Variants in KCNIP1 observed in about 807,000 individuals in gnomAD.
KCNIP1 encodes the protein A-type potassium channel modulatory protein KCNIP1.
A neutral mutation model predicts 33.0 loss-of-function variants in KCNIP1; 18 were observed. The ratio of observed to expected loss-of-function variants is 0.55; its 90% confidence interval spans 0.38 to 0.81. KCNIP1 has a LOEUF of 0.81. Ranked by LOEUF, KCNIP1 falls within the 30% of genes least tolerant of loss-of-function variation. The pLI is 0.00. For synonymous variants in KCNIP1, 93 were observed against 98.3 expected (o/e 0.95, Z 0.32); for missense variants, 238 against 271.6 (o/e 0.88, Z 0.87).
At chr5:170,694,314 C>T (rs978427152) in intron 1 of KCNIP1, among the ~76,000 whole-genome samples, 2 of 152,012 alleles carry the variant, frequency 1.3e-5, no homozygotes, top group African/African-American at 4.8e-5. Context: ...TCCAATGAAC[C>T]ACAGATGGTT....
At chr5:170,501,223 T>A (rs559751173), upstream of KCNIP1, among the ~76,000 whole-genome samples, 1 of 152,000 alleles carries the variant, frequency 6.6e-6, no homozygotes, top group Non-Finnish European at 1.5e-5. Context: ...CTGGAGGAGA[T>A]GACATCTGCA....
rs1176870363 is a variant in KCNIP1, at chr5:170,357,645, T to C, written c.88+3681T>C. ...TCTGGGCTCAAGCAATCCTCCCACCTCAGCCTCCTAAATAGCTGAGACCAC... is the reference window on the plus strand; with the variant it reads ...TCTGGGCTCAAGCAATCCTCCCACCCCAGCCTCCTAAATAGCTGAGACCAC... On this transcript the variant is annotated intron_variant, in intron 1 of 7. Coordinates refer to the KCNIP1 transcript ENST00000377360. Among the ~76,000 whole-genome samples, 4 of 152,176 alleles carry C rather than the reference T, an allele frequency of 2.6e-5. No individual in the cohort carries two copies. In the South Asian group the frequency reaches 8.3e-4, roughly 32 times the overall value.
chr5:170,477,874 TC>T (rs1756892711), intron 1 of KCNIP1, among the ~76,000 whole-genome samples: 1 of 152,214 alleles, frequency 6.6e-6, no homozygotes, highest in South Asian at 2.1e-4. Context: ...TCCCACACAG[TC>T]CTGTCCTCAG....
chr5:170,396,969 C>G (rs535886307), intron 1 of KCNIP1, among the ~76,000 whole-genome samples: 4 of 152,312 alleles, frequency 2.6e-5, no homozygotes, highest in African/African-American at 9.6e-5. Flanking sequence ...GGTTAAAATA[C>G]TTGTTTCTTT....
intron 1 of KCNIP1, among the ~76,000 whole-genome samples, chr5:170,468,215 T>C (rs1324127477): frequency 6.6e-6 from 1 of 152,176 alleles, no homozygotes. Context: ...ATTAGATTTA[T>C]AACAATTACT....
chr5:170,463,575 A>T (rs1034757283), intron 1 of KCNIP1, among the ~76,000 whole-genome samples: 4 of 152,200 alleles, frequency 2.6e-5, no homozygotes, highest in African/African-American at 9.6e-5. Flanking sequence ...AAAACACATG[A>T]TCATCTTATT....
At position 170,420,062 on chromosome 5, in the gene KCNIP1, T is replaced by C. The variant is rs141268087; in HGVS notation, c.88+66098T>C. 7.0e-4 allele frequency among the ~76,000 whole-genome samples: 106 copies of C among 152,282 alleles called. 1 individual carries two copies. The highest frequency in any genetic ancestry group is 6.8e-3 in the Middle Eastern group (2 of 294). ...ACACAATGAGACCACATATGTAACA[T>C]TACATTTTTTCATAGCCACATTGAA... On this transcript the variant is annotated intron_variant, in intron 1 of 7. Transcript: ENST00000377360.
chr5:170,722,563 T>C, intron 4 of KCNIP1, 150 bp from the exon 5 acceptor site: 2 of 649,802 alleles, frequency 3.1e-6, no homozygotes, highest in Non-Finnish European at 5.5e-6. Context: ...AGGCAGGAGC[T>C]CTTCACAGAG....
At chr5:170,615,656 A>G (rs868335983) in intron 1 of KCNIP1, among the ~76,000 whole-genome samples, 3 of 152,312 alleles carry the variant, frequency 2.0e-5, no homozygotes, top group Middle Eastern at 3.4e-3. Flanking sequence ...TCCACTTGCC[A>G]TGGTAACAGA....
At chr5:170,733,996 AC>A in intron 7 of KCNIP1, 98 bp downstream of exon 7, 1 of 878,788 alleles carries the variant, frequency 1.1e-6, no homozygotes, top group Non-Finnish European at 1.8e-6. Flanking sequence ...ACCTGCACAT[AC>A]CTGCAACCCC....
In KCNIP1 at chr5:170,550,270, T is replaced by A. The variant is rs186413634; in HGVS notation, c.61+45637T>A. On this transcript the variant is annotated intron_variant, in intron 1 of 7. Coordinates refer to ENST00000328939, the MANE Select transcript of KCNIP1 (RefSeq NM_014592.4). ...CACTTGGTTCTGGAACAGAAAAAAG[T>A]TTATCTAGGAAAGGAAGTTTAGGAA... Among the ~76,000 whole-genome samples, 17 of 152,258 alleles carry A rather than the reference T, an allele frequency of 1.1e-4. No homozygotes were observed. In the East Asian group the frequency reaches 2.7e-3, roughly 24 times the overall value.
Position 170,732,892 on chromosome 5 carries a change from C to G in KCNIP1, c.528C>G (p.Asp176Glu), listed in dbSNP as rs775938552. ...LKEDTPRQHVDVFFQKMDKNK... is the reference protein window; with the variant it reads ...LKEDTPRQHVEVFFQKMDKNK... ...AGGACACTCCAAGGCAGCATGTGGA[C>G]GTCTTCTTCCAGGTAAGTGCACACA... Residue 176 changes from aspartate (D) to glutamate (E), a missense_variant, in exon 6 of 8, where the codon GAC (aspartate) becomes GAG (glutamate). Physicochemically the swap from Asp to Glu is conservative, Grantham distance 45. Transcript: ENST00000328939. 1.9e-6 allele frequency: 3 copies of G among 1,608,678 alleles called. No homozygotes were observed. Among genetic ancestry groups the G allele is most frequent in the Non-Finnish European group, 2.6e-6 (3 of 1,175,132 alleles).
At chr5:170,705,914 T>C (rs1418185199) in intron 1 of KCNIP1, among the ~76,000 whole-genome samples, 1 of 152,212 alleles carries the variant, frequency 6.6e-6, no homozygotes, top group East Asian at 1.9e-4. Context: ...GAGCACCTAC[T>C]ATGCATGTAG....
intron 1 of KCNIP1, among the ~76,000 whole-genome samples, chr5:170,476,412 T>G (rs751717554): frequency 3.9e-5 from 6 of 152,348 alleles, no homozygotes; most frequent in Non-Finnish European, 7.3e-5. Flanking sequence ...TTCTCTACAT[T>G]TTGACTGAAC....
intron 1 of KCNIP1, among the ~76,000 whole-genome samples, chr5:170,363,029 C>T (rs1482493125): frequency 5.3e-5 from 8 of 152,340 alleles, no homozygotes; most frequent in African/African-American, 1.9e-4. Flanking sequence ...TCAAACGCAA[C>T]AGGAAACATG....
chr5:170,447,535 G>C (rs1022386271), intron 1 of KCNIP1, among the ~76,000 whole-genome samples: 2 of 152,132 alleles, frequency 1.3e-5, no homozygotes, highest in Non-Finnish European at 2.9e-5. Flanking sequence ...TGTGAAGGGG[G>C]TGGCACAAGG....
intron 1 of KCNIP1, among the ~76,000 whole-genome samples, chr5:170,371,485 T>C (rs138086004): frequency 0.012 from 1,787 of 152,300 alleles, 24 homozygotes; most frequent in Non-Finnish European, 0.014. Context: ...AGAACAGGAT[T>C]CCCAGTGGTT....
At chr5:170,500,297 A>G (rs1757385497), upstream of KCNIP1, among the ~76,000 whole-genome samples, 1 of 152,166 alleles carries the variant, frequency 6.6e-6, no homozygotes, top group Non-Finnish European at 1.5e-5. Flanking sequence ...TAGAGCTTCA[A>G]CACAGGGATT....
At chr5:170,397,936 T>C (rs1177969131) in intron 1 of KCNIP1, among the ~76,000 whole-genome samples, 1 of 152,170 alleles carries the variant, frequency 6.6e-6, no homozygotes, top group African/African-American at 2.4e-5. Flanking sequence ...TGATTGGCAA[T>C]TGGTTGAAAG....
Sources: gnomAD v4.1 joint callset for allele counts (sites outside exome capture counted in the v4.1 genomes callset) on GRCh38, gnomAD v4.1.1 for gene constraint, MANE v1.5 for transcripts, NCBI Gene and HGNC (gene_info 2026-07-23, HGNC 2026-07-21) for gene names.